STAC: variants seen among roughly 807,000 people sequenced by gnomAD.
STAC encodes SH3 and cysteine-rich domain-containing protein.
A neutral mutation model predicts 48.8 loss-of-function variants in STAC; 43 were observed. The observed-to-expected ratio is 0.88, with a 90% CI of 0.69 to 1.14. The LOEUF (loss-of-function observed/expected upper bound fraction) is 1.14. STAC is among the 50% of genes most tolerant of loss of function. The pLI is 0.00. For synonymous variants in STAC, 193 were observed against 179.5 expected, an observed-to-expected ratio of 1.07 and a Z score of -0.60; for missense variants, 497 against 504.0, an observed-to-expected ratio of 0.99 and a Z score of 0.13.
At chr3:36,434,819 A>C (rs759749394) in intron 1 of STAC, among the ~76,000 whole-genome samples, 5 of 152,324 alleles carry the variant, frequency 3.3e-5, no homozygotes, top group Non-Finnish European at 7.3e-5. Flanking sequence ...CAGTGCTCTC[A>C]TGACTCCCAA....
chr3:36,435,193 C>G (rs2125657239), intron 1 of STAC, among the ~76,000 whole-genome samples: 1 of 152,162 alleles, frequency 6.6e-6, no homozygotes, highest in East Asian at 1.9e-4. Context: ...TCCCCTGTCT[C>G]TGAAATGGTT....
chr3:36,462,998 A>G (rs1697061933), intron 2 of STAC, among the ~76,000 whole-genome samples: 1 of 152,074 alleles, frequency 6.6e-6, no homozygotes, highest in South Asian at 2.1e-4. Flanking sequence ...TGATCTTTGC[A>G]TTCCTGGGAA....
chr3:36,540,998 G>A (rs1314539376), intron 10 of STAC, among the ~76,000 whole-genome samples: 4 of 152,130 alleles, frequency 2.6e-5, no homozygotes, highest in Admixed American at 2.6e-4. Context: ...GTCAGTTCTT[G>A]GGTTGATAAT....
chr3:36,404,188 T>C lies in STAC; in HGVS notation c.111+23434T>C, dbSNP rs1700049545. 3.3e-5 allele frequency among the ~76,000 whole-genome samples: 5 copies of C among 152,306 alleles called. 1 individual carries two copies. In the South Asian group the frequency reaches 1.0e-3, roughly 32 times the overall value. ...CAAATGGAAAAACATGACATTTAGA[T>C]GAGAAGACTCAATATTGTAAAGATG... On this transcript the variant is annotated intron_variant, in intron 1 of 10. Coordinates refer to ENST00000273183, the MANE Select transcript of STAC (RefSeq NM_003149.3).
rs73831055 is a variant in STAC, at chr3:36,457,471, T to C, written c.388+13831T>C. Among the ~76,000 whole-genome samples, 427 of 152,318 alleles carry C rather than the reference T, an allele frequency of 2.8e-3. 1 individual carries two copies. The highest frequency in any genetic ancestry group is 9.8e-3 in the African/African-American group (408 of 41,570). ...TTTATGTGTGAAAAGCAGGTTGATA[T>C]TAACCGTATATCAAATTCCTAGGAA... On this transcript the variant is annotated intron_variant, in intron 2 of 10. Coordinates refer to ENST00000273183, the MANE Select transcript of STAC (RefSeq NM_003149.3).
intron 8 of STAC, among the ~76,000 whole-genome samples, chr3:36,512,947 GT>G (rs1177288322): frequency 6.6e-6 from 1 of 152,064 alleles, no homozygotes; most frequent in East Asian, 1.9e-4. Flanking sequence ...AGATCATAAG[GT>G]AGAAAAAAAT....
intron 10 of STAC, among the ~76,000 whole-genome samples, chr3:36,537,589 A>G (rs563672290): frequency 6.6e-6 from 1 of 152,272 alleles, no homozygotes; most frequent in Non-Finnish European, 1.5e-5. Context: ...CAGGATAAAA[A>G]TATAATGCAC....
At chr3:36,519,312 G>C (rs1326069182) in intron 8 of STAC, among the ~76,000 whole-genome samples, 5 of 152,206 alleles carry the variant, frequency 3.3e-5, no homozygotes, top group African/African-American at 1.2e-4. Flanking sequence ...ATGGACGCTT[G>C]GCTGTTTAGC....
intron 1 of STAC, among the ~76,000 whole-genome samples, chr3:36,435,716 A>C (rs907292687): frequency 6.6e-6 from 1 of 152,104 alleles, no homozygotes; most frequent in East Asian, 1.9e-4. Context: ...TACTATTATT[A>C]AGGTCCTCCA....
intron 2 of STAC, among the ~76,000 whole-genome samples, chr3:36,472,209 G>A (rs1346401917): frequency 1.3e-5 from 2 of 152,212 alleles, no homozygotes; most frequent in Non-Finnish European, 2.9e-5. Flanking sequence ...CACAGCCCAA[G>A]CTCTACATTG....
At chr3:36,535,637 C>T (rs150803710) in intron 10 of STAC, among the ~76,000 whole-genome samples, 8,677 of 152,150 alleles carry the variant, frequency 0.057, 262 homozygotes, top group Middle Eastern at 0.075. Context: ...TTTTGAGGTA[C>T]GTTCCTTCAA....
chr3:36,468,376 T>C lies in STAC; in HGVS notation c.389-14616T>C, dbSNP rs544870024. Among the ~76,000 whole-genome samples, 3 of 152,164 alleles carry C rather than the reference T, an allele frequency of 2.0e-5. No individual in the cohort carries two copies. The East Asian group carries it at 5.8e-4, about 29-fold the overall frequency. ...ATGAACAGAATGTATATTCTGTAGT[T>C]GTTGGGTAGAATGTTCTGTAAATAT... On this transcript the variant is annotated intron_variant, in intron 2 of 10. Transcript: ENST00000273183.
intron 2 of STAC, among the ~76,000 whole-genome samples, chr3:36,464,735 C>T (rs999844712): frequency 6.6e-6 from 1 of 152,060 alleles, no homozygotes; most frequent in Non-Finnish European, 1.5e-5. Flanking sequence ...GTTATTGGAA[C>T]AATAGTCTCC....
intron 7 of STAC, among the ~76,000 whole-genome samples, chr3:36,504,705 TATATA>T (rs149449859): frequency 2.3e-3 from 346 of 152,254 alleles, no homozygotes; most frequent in African/African-American, 6.7e-3. Flanking sequence ...ATTATAGAAT[TATATA>T]ATATATTATC....
intron 2 of STAC, among the ~76,000 whole-genome samples, chr3:36,474,718 T>C (rs1200898831): frequency 6.6e-6 from 1 of 152,236 alleles, no homozygotes; most frequent in African/African-American, 2.4e-5. Flanking sequence ...GTGAATTATA[T>C]ACCCATCCCA....
intron 2 of STAC, among the ~76,000 whole-genome samples, chr3:36,454,174 T>A (rs961621041): frequency 6.6e-6 from 1 of 152,156 alleles, no homozygotes; most frequent in Non-Finnish European, 1.5e-5. Flanking sequence ...GTGGAAGCTT[T>A]GTTCTTTCGC....
At chr3:36,463,025 T>C (rs749875376) in intron 2 of STAC, among the ~76,000 whole-genome samples, 2 of 152,190 alleles carry the variant, frequency 1.3e-5, no homozygotes, top group Non-Finnish European at 2.9e-5. Flanking sequence ...CCTGACAAGA[T>C]CATGTGACTC....
At chr3:36,527,746 G>T (rs1698969141) in intron 8 of STAC, among the ~76,000 whole-genome samples, 1 of 152,186 alleles carries the variant, frequency 6.6e-6, no homozygotes, top group South Asian at 2.1e-4. Context: ...AATTGTCACA[G>T]CTGTGTTGAA....
At position 36,495,887 on chromosome 3, in the gene STAC, C is replaced by T. The variant is rs187300164; in HGVS notation, c.766+2658C>T. Among the ~76,000 whole-genome samples the T allele has an allele frequency of 3.9e-5, 6 of 152,310 alleles. No homozygotes were observed. The East Asian group carries it at 1.2e-3, about 29-fold the overall frequency. On this transcript the variant is annotated intron_variant, in intron 6 of 10. Coordinates refer to ENST00000273183, the MANE Select transcript of STAC (RefSeq NM_003149.3). The stretch of plus-strand genomic sequence containing the variant: ...CCTGTTAGAAATAGCAAGTTTCAGG[C>T]CATTCCACACCTGCTGAATCAGGAT...
Sources: gnomAD v4.1 joint callset for allele counts (sites outside exome capture counted in the v4.1 genomes callset) on GRCh38, gnomAD v4.1.1 for gene constraint, MANE v1.5 for transcripts, NCBI Gene and HGNC (gene_info 2026-07-23, HGNC 2026-07-21) for gene names.